The following ATM variants were observed in gnomAD, a reference collection of about 807,000 sequenced individuals.
ATM encodes the protein serine-protein kinase ATM.
A neutral mutation model predicts 387.0 loss-of-function variants in ATM; 308 were observed. The ratio of observed to expected loss-of-function variants is 0.80; its 90% CI spans 0.73 to 0.87. The LOEUF (loss-of-function observed/expected upper bound fraction) is 0.87, where lower values mean the gene tolerates loss of function less well. Among genes scored for constraint, ATM ranks in the 40% least tolerant of loss-of-function variants. The pLI is 0.00. For synonymous variants in ATM, 1,156 were observed against 1,187.3 expected, an observed-to-expected ratio of 0.97 and a Z score of 0.54; for missense variants, 3,312 against 3,560.9, an observed-to-expected ratio of 0.93 and a Z score of 1.78.
chr11:108,304,531 A>G lies in ATM; in HGVS notation c.5497-144A>G, dbSNP rs573782578. The G allele has an allele frequency of 1.8e-4, 151 of 836,598 alleles. 1 individual carries two copies. The South Asian group carries it at 2.6e-3, about 14-fold the overall frequency. 51.8% of individuals were successfully genotyped at this position (836,598 alleles called of 1,614,324 possible). The stretch of plus-strand genomic sequence containing the variant: ...ATACATGTTTTTTGTTTGTTTTTTT[A>G]GCAGTATGTTGAGTTTATGGCAGAT... On this transcript the variant is annotated intron_variant, in intron 36 of 62. Coordinates refer to ENST00000675843, the MANE Select transcript of ATM (RefSeq NM_000051.4).
At position 108,273,662 on chromosome 11, in the gene ATM, T is replaced by C. The variant is rs1026999489; in HGVS notation, c.3284+810T>C. On this transcript the variant is annotated intron_variant, in intron 22 of 62. Coordinates refer to ENST00000675843, the MANE Select transcript of ATM (RefSeq NM_000051.4). The stretch of plus-strand genomic sequence containing the variant: ...TGTAGTTTTTGTCATTCGTTCTGTT[T>C]ATGTGATGGATTATGTTTATTGATT... Among the ~76,000 whole-genome samples the C allele has an allele frequency of 5.3e-5, 8 of 152,138 alleles. 1 individual carries two copies. In the South Asian group the frequency reaches 1.0e-3, roughly 20 times the overall value.
At position 108,331,954 on chromosome 11, in the gene ATM, G is replaced by A. The variant is rs898880638; in HGVS notation, c.7705G>A (p.Asp2569Asn). 6.2e-7 allele frequency: 1 copy of A among 1,614,014 alleles called. No homozygotes were observed. Among genetic ancestry groups the A allele is most frequent in the Non-Finnish European group, 8.5e-7 (1 of 1,179,954 alleles). The change falls in exon 52 of 63, where the codon GAT (aspartate) becomes AAT (asparagine). Residue 2569 changes from aspartate to asparagine, a missense_variant. Coordinates refer to ENST00000675843, the MANE Select transcript of ATM (RefSeq NM_000051.4). ...IILALANANR[D>N]EFLTKPEVAR... The stretch of plus-strand genomic sequence containing the variant: ...ACTGGCCTTAGCAAATGCAAACAGA[G>A]ATGAATTTCTGACTAAACCAGAGGT...
In ATM at chr11:108,282,875, T is replaced by G. The variant is rs1180341161; in HGVS notation, c.3742T>G (p.Tyr1248Asp). 6.8e-7 allele frequency: 1 copy of G among 1,480,546 alleles called. No individual in the cohort carries two copies. Among genetic ancestry groups the G allele is most frequent in the Non-Finnish European group, 9.4e-7 (1 of 1,063,456 alleles). 91.7% of individuals were successfully genotyped at this position (1,480,546 alleles called of 1,614,324 possible). A position where few individuals can be genotyped will look rare whatever the true frequency, so the allele number is the denominator to read the frequency against. ...LLNYTNIEDF[Y>D]RSCYKVLIPH... ...AAACTACACAAATATTGAGGATTTC[T>G]ATAGGTAAGTTTATACATGACATAT... The change falls in exon 25 of 63, where the codon TAT becomes GAT. Residue 1248 changes from tyrosine (Y) to aspartate (D), a missense_variant. By Grantham distance (160) the Tyr-to-Asp change is radical. Transcript: ENST00000675843.
At chr11:108,348,527 A>T (rs796991232) in intron 59 of ATM, among the ~76,000 whole-genome samples, 1 of 151,774 alleles carries the variant, frequency 6.6e-6, no homozygotes, top group Non-Finnish European at 1.5e-5. Context: ...TGAAGTATTA[A>T]TGGGATTTCT....
chr11:108,328,209 A>G (rs1324362508), intron 48 of ATM, among the ~76,000 whole-genome samples: 3 of 152,128 alleles, frequency 2.0e-5, no homozygotes, highest in African/African-American at 7.2e-5. Flanking sequence ...ACCTCACTAA[A>G]TAAGTGTAAC....
chr11:108,228,916 A>G (rs2078870092), intron 3 of ATM, among the ~76,000 whole-genome samples: 1 of 152,240 alleles, frequency 6.6e-6, no homozygotes, highest in Admixed American at 6.5e-5. Flanking sequence ...TAAGCTTTTA[A>G]TGACAAATTT....
rs1009750697 is a variant in ATM at position 108,252,051 on chromosome 11, A to T, written c.1802+20A>T. 2 of 1,604,672 alleles carry T rather than the reference A, an allele frequency of 1.2e-6. No homozygotes were observed. Among genetic ancestry groups the T allele is most frequent in the Non-Finnish European group, 1.7e-6 (2 of 1,175,328 alleles). ...TCACAGGTAATTTAAGTTCATTAGCATGCTGCTGTTTTTTTTGTTTGTTTT... is the reference window on the plus strand; with the variant it reads ...TCACAGGTAATTTAAGTTCATTAGCTTGCTGCTGTTTTTTTTGTTTGTTTT... On this transcript the variant is annotated intron_variant, in intron 11 of 62. Coordinates refer to ENST00000675843, the MANE Select transcript of ATM (RefSeq NM_000051.4).
intron 16 of ATM, among the ~76,000 whole-genome samples, chr11:108,260,898 G>A (rs1361628396): frequency 4.6e-5 from 7 of 152,182 alleles, no homozygotes; most frequent in Non-Finnish European, 7.3e-5. Flanking sequence ...CTGGAAAATC[G>A]GGTCACTCCC....
chr11:108,252,107 A>G, intron 11 of ATM, 76 bp downstream of exon 11: 1 of 1,292,044 alleles, frequency 7.7e-7, no homozygotes, highest in Non-Finnish European at 1.1e-6. Context: ...TTGATGCCAG[A>G]TGGCTTTATT....
intron 14 of ATM, among the ~76,000 whole-genome samples, chr11:108,256,924 G>C (rs570484224): frequency 7.9e-5 from 12 of 152,252 alleles, no homozygotes; most frequent in Non-Finnish European, 1.3e-4. Context: ...TCATTGATGG[G>C]CATTTGGGTT....
chr11:108,257,638 G>T, intron 15 of ATM, 32 bp downstream of exon 15: 2 of 1,604,112 alleles, frequency 1.2e-6, no homozygotes, highest in South Asian at 2.2e-5. Flanking sequence ...TTTGTTTTTT[G>T]AGATAGGATC....
chr11:108,278,393 C>T (rs1056562567), intron 22 of ATM, among the ~76,000 whole-genome samples: 5 of 151,866 alleles, frequency 3.3e-5, no homozygotes, highest in Admixed American at 2.6e-4. Context: ...TGTAATAAGG[C>T]GGCAGTGTAG....
Position 108,325,465 on chromosome 11 carries a change from A to C in ATM, c.6728A>C (p.Gln2243Pro), listed in dbSNP as rs1565518723. The change falls in exon 46 of 63, where the codon CAA (glutamine) becomes CCA (proline). Residue 2243 changes from glutamine to proline, a missense_variant. Gln to Pro is a moderately conservative substitution (Grantham distance 76, BLOSUM62 -1). This residue lies in a region of ATM where 1,405 missense variants were observed against 1,604.4 expected (regional missense o/e 0.88). Coordinates refer to ENST00000675843, the MANE Select transcript of ATM (RefSeq NM_000051.4). Reference sequence around the variant, plus strand: ...ATGGAAAAGGAAATGGACAACTCACAAAGAGAATGTATTAAGGACATTCTC... The same window carrying C: ...ATGGAAAAGGAAATGGACAACTCACCAAGAGAATGTATTAAGGACATTCTC... ...ILMEKEMDNS[Q>P]RECIKDILTK... 6.2e-7 allele frequency: 1 copy of C among 1,613,698 alleles called. No homozygotes were observed. Among genetic ancestry groups the C allele is most frequent in the South Asian group, 1.1e-5 (1 of 91,084 alleles).
chr11:108,317,438 T>C lies in ATM; in HGVS notation c.6264T>C (p.Asn2088=), dbSNP rs747372417. The change falls in exon 43 of 63, where the codon AAT becomes AAC. Residue 2088 remains asparagine, a synonymous_variant. Coordinates refer to ENST00000675843, the MANE Select transcript of ATM (RefSeq NM_000051.4). ...ATTTAAAAGGATTGGATTATGAAAA[T>C]AAAGACTGGTGTCCTGAACTAGAAG... is the stretch of plus-strand genomic sequence containing the variant. The part of the protein sequence containing the change: ...SVYLKGLDYE[N]KDWCPELEEL... 1 of 1,612,404 alleles carries C rather than the reference T, an allele frequency of 6.2e-7. No homozygotes were observed. The highest frequency in any genetic ancestry group is 2.2e-5 in the East Asian group (1 of 44,766).
At chr11:108,302,718 G>A in intron 35 of ATM, 135 bp from the exon 36 acceptor site, 1 of 853,844 alleles carries the variant, frequency 1.2e-6, no homozygotes, top group East Asian at 2.6e-5. Flanking sequence ...ATCTTAAAAG[G>A]TAAACATTGC....
At chr11:108,307,777 G>C (rs1334800103) in intron 37 of ATM, 120 bp from the exon 38 acceptor site, 1 of 838,128 alleles carries the variant, frequency 1.2e-6, no homozygotes, top group Non-Finnish European at 2.0e-6. Context: ...AACCAATTTT[G>C]TGTTAGGTAC....
intron 59 of ATM, 61 bp from the exon 60 acceptor site, chr11:108,353,705 A>G (rs1241393755): frequency 2.2e-6 from 3 of 1,342,824 alleles, no homozygotes; most frequent in Middle Eastern, 3.6e-4. Context: ...TTCACATTCT[A>G]ACTGGAAAGA....
intron 22 of ATM, 25 bp from the exon 23 acceptor site, chr11:108,279,466 T>G: frequency 8.0e-6 from 12 of 1,505,500 alleles, no homozygotes; most frequent in Non-Finnish European, 1.1e-5. Context: ...ACTTTTTGTT[T>G]GTTTGTTTGC....
At chr11:108,266,390 A>T (rs1004285953) in intron 16 of ATM, among the ~76,000 whole-genome samples, 5 of 151,282 alleles carry the variant, frequency 3.3e-5, no homozygotes, top group Non-Finnish European at 5.9e-5. Context: ...CAAGAAGAAA[A>T]AACCAAACAC....
Sources: gnomAD v4.1 joint callset for allele counts (sites outside exome capture counted in the v4.1 genomes callset) on GRCh38, gnomAD v4.1.1 for gene constraint, gnomAD v4.1.1 regional missense constraint, MANE v1.5 for transcripts, NCBI Gene and HGNC (gene_info 2026-07-23, HGNC 2026-07-21) for gene names.